The following SYNE2 variants were observed in gnomAD, a reference collection of about 807,000 sequenced individuals.
SYNE2 encodes spectrin repeat containing nuclear envelope protein 2.
In SYNE2, 431 loss-of-function variants were observed where a neutral mutation model predicts 856.3. The observed-to-expected ratio is 0.50, with a 90% CI of 0.47 to 0.55. SYNE2 has a LOEUF of 0.55. Among genes scored for constraint, SYNE2 ranks in the 20% least tolerant of loss-of-function variants. The probability of loss-of-function intolerance (pLI) is 0.00; values close to 1 mark genes in which losing one functional copy is unlikely to be tolerated. For synonymous variants in SYNE2, 2,923 were observed against 2,872.3 expected (o/e 1.02, Z -0.56); for missense variants, 8,129 against 8,023.2 (o/e 1.01, Z -0.50).
chr14:63,982,823 A>C, intron 17 of SYNE2, 29 bp downstream of exon 17: 2 of 1,608,198 alleles, frequency 1.2e-6, no homozygotes, highest in Non-Finnish European at 1.7e-6. Context: ...TTGCAGCTTT[A>C]TTTAGATATG....
chr14:64,204,754 G>A (rs187567618), intron 100 of SYNE2, among the ~76,000 whole-genome samples: 1 of 152,120 alleles, frequency 6.6e-6, no homozygotes, highest in Non-Finnish European at 1.5e-5. Context: ...GTTAAATGCT[G>A]TGTTAGTTTT....
intron 1 of SYNE2, among the ~76,000 whole-genome samples, chr14:63,872,105 T>G (rs1021513856): frequency 1.3e-5 from 2 of 152,100 alleles, no homozygotes; most frequent in East Asian, 3.9e-4. Context: ...AGCCTAATAT[T>G]AGTCCTATCA....
At chr14:64,075,620 C>G in intron 53 of SYNE2, 1 of 164,654 alleles carries the variant, frequency 6.1e-6, no homozygotes, top group African/African-American at 2.5e-5. Flanking sequence ...TTTTTTGCTG[C>G]TTGCAGCTTT....
intron 6 of SYNE2, among the ~76,000 whole-genome samples, chr14:63,945,967 T>C (rs1338383567): frequency 2.0e-5 from 3 of 152,178 alleles, no homozygotes; most frequent in East Asian, 1.9e-4. Flanking sequence ...TCAGAACATA[T>C]GATCTTTAGC....
At chr14:63,949,253 G>A (rs934572964) in intron 6 of SYNE2, among the ~76,000 whole-genome samples, 2 of 151,790 alleles carry the variant, frequency 1.3e-5, no homozygotes, top group Non-Finnish European at 2.9e-5. Context: ...ACCATCACTG[G>A]GTATTGCCTT....
At chr14:64,122,798 A>G (rs1427746154) in intron 70 of SYNE2, among the ~76,000 whole-genome samples, 1 of 152,176 alleles carries the variant, frequency 6.6e-6, no homozygotes, top group Admixed American at 6.5e-5. Flanking sequence ...TAAAGGAATG[A>G]ATATGTATTT....
Position 64,026,777 on chromosome 14 carries a change from G to A in SYNE2, c.6404+47G>A, listed in dbSNP as rs780168934. The stretch of plus-strand genomic sequence containing the variant: ...CTTGCATCATATCCCATTGCCCAGT[G>A]AAGCCATAACAAGTATGTTTTGTCT... On this transcript the variant is annotated intron_variant, in intron 42 of 115. Transcript: ENST00000555002. 4.2e-5 allele frequency: 66 copies of A among 1,569,002 alleles called. No individual in the cohort carries two copies. In the South Asian group the frequency reaches 7.3e-4, roughly 17 times the overall value.
intron 19 of SYNE2, among the ~76,000 whole-genome samples, chr14:63,988,749 A>G (rs755857179): frequency 3.7e-4 from 57 of 152,318 alleles, no homozygotes; most frequent in Middle Eastern, 3.4e-3. Flanking sequence ...AGTCATGTCT[A>G]TGTGGTGGCA....
At position 64,062,765 on chromosome 14, in the gene SYNE2, A is replaced by G. The variant is rs756121631; in HGVS notation, c.10082A>G (p.Tyr3361Cys). Reference sequence around the variant, plus strand: ...TGACTCACTAGGTATCTTGAGAATTACAAATGCTATAGAAAAATGGAAGAG... The same window carrying G: ...TGACTCACTAGGTATCTTGAGAATTGCAAATGCTATAGAAAAATGGAAGAG... The part of the protein sequence containing the change: ...ETEAERYLEN[Y>C]KCYRKMEEDI... Residue 3361 changes from tyrosine to cysteine, a missense_variant, in exon 50 of 116, where the codon TAC becomes TGC. This residue lies in a region of SYNE2 where 5,410 missense variants were observed against 5,284.8 expected (regional missense o/e 1.02). Transcript: ENST00000555002. 1 of 1,613,746 alleles carries G rather than the reference A, an allele frequency of 6.2e-7. No individual in the cohort carries two copies. Among genetic ancestry groups the G allele is most frequent in the Non-Finnish European group, 8.5e-7 (1 of 1,179,654 alleles).
At chr14:63,934,238 A>G (rs1363586816) in intron 2 of SYNE2, among the ~76,000 whole-genome samples, 3 of 152,274 alleles carry the variant, frequency 2.0e-5, no homozygotes, top group Non-Finnish European at 4.4e-5. Flanking sequence ...TGCTAACTGG[A>G]GAATACCTGT....
intron 2 of SYNE2, among the ~76,000 whole-genome samples, chr14:63,920,136 A>G (rs958293341): frequency 6.6e-6 from 1 of 152,112 alleles, no homozygotes; most frequent in Non-Finnish European, 1.5e-5. Context: ...TGTGCTGAGC[A>G]CACGGGTTAG....
rs751747400 is a variant in SYNE2, at chr14:64,027,714, G to A, written c.6635G>A (p.Cys2212Tyr). The A allele has an allele frequency of 6.2e-7, 1 of 1,614,044 alleles. No individual in the cohort carries two copies. The highest frequency in any genetic ancestry group is 8.5e-7 in the Non-Finnish European group (1 of 1,179,950). The stretch of plus-strand genomic sequence containing the variant: ...TCTCAGGGAAACTACCTCTTGGAGT[G>A]CACTAAAAATCCCAGCTTCAGTGAA... The part of the protein sequence containing the change: ...LKSQGNYLLE[C>Y]TKNPSFSEEP... Residue 2212 changes from cysteine to tyrosine, a missense_variant, in exon 43 of 116, where the codon TGC becomes TAC. Cys to Tyr is a radical substitution (Grantham distance 194). Coordinates refer to ENST00000555002, the MANE Select transcript of SYNE2 (RefSeq NM_182914.3).
At chr14:64,103,427 G>T (rs556116507) in intron 64 of SYNE2, among the ~76,000 whole-genome samples, 1 of 146,844 alleles carries the variant, frequency 6.8e-6, no homozygotes, top group South Asian at 2.2e-4. Context: ...TACTCCTTAT[G>T]ACATTCTAAA....
At position 63,998,460 on chromosome 14, in the gene SYNE2, ATG is replaced by A. The variant is rs1567009888; in HGVS notation, c.3353+133_3353+134del. The A allele has an allele frequency of 5.6e-5, 37 of 663,072 alleles. No homozygotes were observed. In the African/African-American group the frequency reaches 6.3e-4, roughly 11 times the overall value. The allele number at this position is 663,072 out of a possible 1,614,324, so 41.1% of individuals were successfully genotyped here. ...TATGATCCAGTAACTTAGAAATTCT[ATG>A]GTATTTTCTCACACGCAGTTGACAG... On this transcript the variant is annotated intron_variant, in intron 26 of 115. Transcript: ENST00000555002.
chr14:64,045,802 G>A (rs2097182076), intron 45 of SYNE2, among the ~76,000 whole-genome samples: 1 of 152,214 alleles, frequency 6.6e-6, no homozygotes, highest in African/African-American at 2.4e-5. Context: ...AACTGGTGAA[G>A]CTCCAGACAG....
chr14:63,823,844 C>T (rs981247786), intron 1 of SYNE2, among the ~76,000 whole-genome samples: 2 of 151,986 alleles, frequency 1.3e-5, no homozygotes, highest in African/African-American at 4.8e-5. Flanking sequence ...CCTATGTTGT[C>T]CAGTCTGGTC....
intron 1 of SYNE2, among the ~76,000 whole-genome samples, chr14:63,885,121 A>G (rs1196410718): frequency 6.6e-6 from 1 of 152,098 alleles, no homozygotes. Flanking sequence ...AAGGATGGAG[A>G]TGGAGGGTCC....
At chr14:64,080,333 T>A in intron 55 of SYNE2, 123 bp from the exon 56 acceptor site, 1 of 1,000,880 alleles carries the variant, frequency 1.0e-6, no homozygotes, top group Non-Finnish European at 1.6e-6. Context: ...CAACTGTTCA[T>A]GTGATGTTGT....
intron 99 of SYNE2, 47 bp from the exon 100 acceptor site, chr14:64,202,754 C>T: frequency 1.9e-6 from 3 of 1,612,838 alleles, no homozygotes; most frequent in Non-Finnish European, 2.5e-6. Context: ...TGTTTTCCAT[C>T]ACTGGTTTTT....
Sources: allele counts gnomAD v4.1 joint callset (sites outside exome capture counted in the v4.1 genomes callset), GRCh38; gene constraint gnomAD v4.1.1; regional missense constraint gnomAD v4.1.1; transcripts MANE v1.5; gene names NCBI Gene and HGNC (gene_info 2026-07-23, HGNC 2026-07-21).